Variants in ZNF804B observed in about 807,000 individuals in gnomAD.
ZNF804B encodes zinc finger protein 804B.
ZNF804B carries 80 observed loss-of-function variants against 101.4 expected under a neutral mutation model. The observed-to-expected ratio is 0.79, with a 90% CI of 0.66 to 0.95. The LOEUF (loss-of-function observed/expected upper bound fraction) is 0.95. Ranked by LOEUF, ZNF804B falls within the 40% of genes least tolerant of loss-of-function variation. The probability of loss-of-function intolerance (pLI) is 0.00; values close to 1 mark genes in which losing one functional copy is unlikely to be tolerated. For synonymous variants in ZNF804B, 622 were observed against 558.8 expected (o/e 1.11, Z -1.59); for missense variants, 1,673 against 1,561.9 (o/e 1.07, Z -1.20).
At chr7:89,287,255 T>A (rs1180557086) in intron 2 of ZNF804B, among the ~76,000 whole-genome samples, 9 of 152,190 alleles carry the variant, frequency 5.9e-5, no homozygotes, top group African/African-American at 2.2e-4. Context: ...ATACTCAGCA[T>A]GGGGTTGGTA....
At chr7:89,132,725 G>A (rs1407457658) in intron 1 of ZNF804B, among the ~76,000 whole-genome samples, 1 of 152,032 alleles carries the variant, frequency 6.6e-6, no homozygotes, top group Non-Finnish European at 1.5e-5. Context: ...TTATTGTTGT[G>A]CAATGGTAGA....
rs1790350066 is a variant in ZNF804B at position 89,294,600 on chromosome 7, C to T, written c.250-32744C>T. 4.0e-5 allele frequency among the ~76,000 whole-genome samples: 6 copies of T among 151,824 alleles called. No homozygotes were observed. The South Asian group carries it at 1.2e-3, about 32-fold the overall frequency. On this transcript the variant is annotated intron_variant, in intron 2 of 3. Transcript: ENST00000333190. Reference sequence around the variant, plus strand: ...TGCTTCTCTATACCTGCTGGGTCTCCTCAATGCTTCCCTTCTGTTCTGATC... The same window carrying T: ...TGCTTCTCTATACCTGCTGGGTCTCTTCAATGCTTCCCTTCTGTTCTGATC...
intron 1 of ZNF804B, among the ~76,000 whole-genome samples, chr7:88,854,419 CTTTCTTT>C (rs1562812591): frequency 7.9e-5 from 6 of 76,376 alleles, no homozygotes; most frequent in Admixed American, 2.8e-4. Flanking sequence ...TTCTTCCTTT[CTTTCTTT>C]CTTTCTTTCT....
intron 2 of ZNF804B, 85 bp from the exon 3 acceptor site, chr7:89,327,259 G>A (rs1015393132): frequency 7.5e-7 from 1 of 1,336,214 alleles, no homozygotes; most frequent in Non-Finnish European, 1.0e-6. Flanking sequence ...CTGCACTTAG[G>A]ATAAAGAATA....
chr7:89,249,633 A>G (rs915170134), intron 2 of ZNF804B, among the ~76,000 whole-genome samples: 1 of 152,184 alleles, frequency 6.6e-6, no homozygotes, highest in Non-Finnish European at 1.5e-5. Flanking sequence ...ATGCAGCAAA[A>G]GCAGTATTAA....
chr7:88,807,280 T>C (rs1790706136), intron 1 of ZNF804B, among the ~76,000 whole-genome samples: 1 of 151,902 alleles, frequency 6.6e-6, no homozygotes, highest in Admixed American at 6.5e-5. Flanking sequence ...TAGTTAAGCA[T>C]TTTTTTAATA....
intron 1 of ZNF804B, among the ~76,000 whole-genome samples, chr7:89,165,981 T>C (rs1791137325): frequency 6.6e-6 from 1 of 152,144 alleles, no homozygotes; most frequent in South Asian, 2.1e-4. Flanking sequence ...GAAAATGACA[T>C]TTTATTTGTA....
intron 1 of ZNF804B, among the ~76,000 whole-genome samples, chr7:89,176,427 C>T (rs910915399): frequency 2.6e-5 from 4 of 151,716 alleles, no homozygotes; most frequent in Admixed American, 6.6e-5. Flanking sequence ...ACCATCTTTG[C>T]GTGATTGGAA....
In ZNF804B at chr7:89,336,676, A is replaced by G. The variant is rs1314827971; in HGVS notation, c.3694A>G (p.Ile1232Val). 3 of 1,613,914 alleles carry G rather than the reference A, an allele frequency of 1.9e-6. No homozygotes were observed. Among genetic ancestry groups the G allele is most frequent in the South Asian group, 2.2e-5 (2 of 91,076 alleles). ...SLSSHSSHLPIAHLHPLSQAH... is the reference protein window; with the variant it reads ...SLSSHSSHLPVAHLHPLSQAH... ...AAGTTCTCATAGCAGTCACCTCCCT[A>G]TTGCTCATCTACATCCTCTTTCACA... The change falls in exon 4 of 4, where the codon ATT becomes GTT. Residue 1232 changes from isoleucine to valine, a missense_variant. Transcript: ENST00000333190.
At chr7:88,997,539 C>G (rs1168567509) in intron 1 of ZNF804B, among the ~76,000 whole-genome samples, 1 of 151,986 alleles carries the variant, frequency 6.6e-6, no homozygotes, top group Non-Finnish European at 1.5e-5. Flanking sequence ...CATTTAAGTG[C>G]CTACATGTGG....
chr7:89,044,500 G>A (rs576971330), intron 1 of ZNF804B, among the ~76,000 whole-genome samples: 1 of 152,248 alleles, frequency 6.6e-6, no homozygotes, highest in East Asian at 1.9e-4. Context: ...TTTGTGGTGG[G>A]GGCTTACAAG....
chr7:89,129,324 C>T (rs1342649579), intron 1 of ZNF804B, among the ~76,000 whole-genome samples: 1 of 151,894 alleles, frequency 6.6e-6, no homozygotes, highest in Admixed American at 6.6e-5. Context: ...TCATATTTCC[C>T]TTGTCAGTAT....
intron 1 of ZNF804B, among the ~76,000 whole-genome samples, chr7:88,766,945 A>G (rs1037758201): frequency 6.6e-6 from 1 of 152,074 alleles, no homozygotes; most frequent in East Asian, 1.9e-4. Context: ...GGCAAATTTT[A>G]TTTCACTTTT....
chr7:89,267,571 C>A (rs886812930), intron 2 of ZNF804B, among the ~76,000 whole-genome samples: 3 of 152,104 alleles, frequency 2.0e-5, no homozygotes, highest in African/African-American at 7.2e-5. Context: ...CCTGGAGTGA[C>A]CATAGATGTC....
intron 1 of ZNF804B, among the ~76,000 whole-genome samples, chr7:88,813,635 C>T (rs962478612): frequency 5.5e-4 from 84 of 152,078 alleles, no homozygotes; most frequent in African/African-American, 2.0e-3. Flanking sequence ...TTCAACATAA[C>T]AAAATGTATC....
At chr7:89,241,124 A>C (rs896379757) in intron 2 of ZNF804B, among the ~76,000 whole-genome samples, 1 of 152,118 alleles carries the variant, frequency 6.6e-6, no homozygotes, top group Admixed American at 6.6e-5. Flanking sequence ...TCCTAAAACC[A>C]CTGAAGGCCA....
intron 1 of ZNF804B, among the ~76,000 whole-genome samples, chr7:88,767,111 T>A (rs1222711760): frequency 6.6e-6 from 1 of 152,184 alleles, no homozygotes; most frequent in African/African-American, 2.4e-5. Context: ...CTTTTTTTGG[T>A]TCACACATAA....
chr7:89,156,912 C>T (rs537920726), intron 1 of ZNF804B, among the ~76,000 whole-genome samples: 7 of 152,160 alleles, frequency 4.6e-5, no homozygotes, highest in South Asian at 4.1e-4. Context: ...AAGAAAGATT[C>T]GGAACTTGAT....
chr7:89,200,245 G>A (rs1032909494), intron 1 of ZNF804B, among the ~76,000 whole-genome samples: 13 of 151,768 alleles, frequency 8.6e-5, no homozygotes, highest in Admixed American at 7.2e-4. Flanking sequence ...TGCTTCCTTC[G>A]TTTCTCAAGT....
Sources: allele counts gnomAD v4.1 joint callset (sites outside exome capture counted in the v4.1 genomes callset), GRCh38; gene constraint gnomAD v4.1.1; transcripts MANE v1.5; gene names NCBI Gene and HGNC (gene_info 2026-07-23, HGNC 2026-07-21).